KLHL1: variants seen among roughly 807,000 people sequenced by gnomAD.
KLHL1 encodes the protein kelch-like protein 1.
A neutral mutation model predicts 77.7 loss-of-function variants in KLHL1; 47 were observed. That is an observed-to-expected ratio of 0.60 (90% CI 0.48 to 0.77). The LOEUF is 0.77. Among genes scored for constraint, KLHL1 ranks in the 30% least tolerant of loss-of-function variants. The probability of loss-of-function intolerance (pLI) is 0.00; values close to 1 mark genes in which losing one functional copy is unlikely to be tolerated. For synonymous variants in KLHL1, 360 were observed against 325.2 expected (o/e 1.11, Z -1.15); for missense variants, 925 against 910.8 (o/e 1.02, Z -0.20).
intron 1 of KLHL1, among the ~76,000 whole-genome samples, chr13:70,048,255 A>G (rs1356725035): frequency 1.3e-5 from 2 of 152,218 alleles, no homozygotes; most frequent in Non-Finnish European, 2.9e-5. Flanking sequence ...GTGATTATCC[A>G]TCTGTCAAAA....
At chr13:70,042,211 G>A (rs1470499456) in intron 1 of KLHL1, among the ~76,000 whole-genome samples, 1 of 152,002 alleles carries the variant, frequency 6.6e-6, no homozygotes, top group South Asian at 2.1e-4. Flanking sequence ...TCTCAACTTG[G>A]AATTGCAATC....
At chr13:69,869,990 T>A (rs1254528574) in intron 5 of KLHL1, among the ~76,000 whole-genome samples, 2 of 152,168 alleles carry the variant, frequency 1.3e-5, no homozygotes, top group East Asian at 3.9e-4. Context: ...CAGGGTGTTT[T>A]GTTTATTTGT....
At chr13:69,786,156 A>G (rs1486959532) in intron 7 of KLHL1, among the ~76,000 whole-genome samples, 5 of 152,178 alleles carry the variant, frequency 3.3e-5, no homozygotes, top group Non-Finnish European at 7.3e-5. Flanking sequence ...AACTCATTGT[A>G]TGAGGCCAGC....
intron 4 of KLHL1, among the ~76,000 whole-genome samples, chr13:69,900,561 C>T (rs976998392): frequency 6.6e-5 from 10 of 152,092 alleles, no homozygotes; most frequent in Non-Finnish European, 1.0e-4. Context: ...CAAGAGACGC[C>T]GGGTTTTAGT....
At chr13:70,097,132 T>A (rs1887810870) in intron 1 of KLHL1, among the ~76,000 whole-genome samples, 1 of 151,994 alleles carries the variant, frequency 6.6e-6, no homozygotes, top group Non-Finnish European at 1.5e-5. Flanking sequence ...CTTTGAGAAC[T>A]TCCCCCCACT....
At chr13:69,846,728 C>A (rs973449168) in intron 5 of KLHL1, among the ~76,000 whole-genome samples, 11 of 150,452 alleles carry the variant, frequency 7.3e-5, no homozygotes, top group African/African-American at 2.7e-4. Context: ...TACATTGAAC[C>A]ACATGATCAA....
chr13:69,925,636 G>A (rs1268546306), intron 4 of KLHL1, among the ~76,000 whole-genome samples: 1 of 151,424 alleles, frequency 6.6e-6, no homozygotes, highest in East Asian at 1.9e-4. Context: ...ATTTGCAGAA[G>A]ACTGATAGTT....
chr13:69,908,425 A>T (rs1249363979), intron 4 of KLHL1, among the ~76,000 whole-genome samples: 1 of 151,518 alleles, frequency 6.6e-6, no homozygotes, highest in Non-Finnish European at 1.5e-5. Flanking sequence ...TGAAATAGTT[A>T]TTCTTTCTAT....
At chr13:69,785,194 G>A (rs1386199183) in intron 7 of KLHL1, among the ~76,000 whole-genome samples, 1 of 152,000 alleles carries the variant, frequency 6.6e-6, no homozygotes, top group East Asian at 1.9e-4. Flanking sequence ...GCCCGGCCCA[G>A]AATATACATT....
intron 1 of KLHL1, among the ~76,000 whole-genome samples, chr13:70,061,672 T>A (rs574429693): frequency 2.6e-5 from 4 of 152,236 alleles, no homozygotes; most frequent in South Asian, 4.1e-4. Context: ...AGAGTAAAAA[T>A]TAGCAGCAAA....
At chr13:69,724,834 G>A (rs985421676) in intron 8 of KLHL1, among the ~76,000 whole-genome samples, 1 of 152,056 alleles carries the variant, frequency 6.6e-6, no homozygotes, top group African/African-American at 2.4e-5. Context: ...GGAAGAAATG[G>A]CCTCAATAAG....
At chr13:69,846,104 T>C (rs938686937) in intron 5 of KLHL1, among the ~76,000 whole-genome samples, 6 of 151,144 alleles carry the variant, frequency 4.0e-5, no homozygotes, top group Non-Finnish European at 1.5e-5. Context: ...AACAAGTTTT[T>C]AAAATCCTGT....
chr13:69,714,040 T>G (rs1205822152), intron 9 of KLHL1, among the ~76,000 whole-genome samples: 1 of 152,164 alleles, frequency 6.6e-6, no homozygotes, highest in African/African-American at 2.4e-5. Flanking sequence ...TTTTTTGATA[T>G]ACTTATTGAT....
In KLHL1 at chr13:69,718,258, A is replaced by G. The variant is rs77871760; in HGVS notation, c.2015+1111T>C. Among the ~76,000 whole-genome samples the G allele has an allele frequency of 8.7e-3, 1,318 of 152,244 alleles. 14 individuals carry two copies. The highest frequency in any genetic ancestry group is 0.049 in the East Asian group (253 of 5,164). On this transcript the variant is annotated intron_variant, in intron 9 of 10. Coordinates refer to ENST00000377844, the MANE Select transcript of KLHL1 (RefSeq NM_020866.3). ...AAGTTGGGATACTGCTCTCCCAAAA[A>G]GCTTTCTGTGGCCATGTTACTGGTT...
intron 4 of KLHL1, among the ~76,000 whole-genome samples, chr13:69,889,391 C>A (rs1408379945): frequency 1.3e-5 from 2 of 151,972 alleles, no homozygotes; most frequent in African/African-American, 2.4e-5. Flanking sequence ...GAGGAGCTCG[C>A]ATATAGTCAT....
chr13:69,701,802 T>C (rs372904089), intron 10 of KLHL1, 41 bp from the exon 11 acceptor site: 197 of 1,363,442 alleles, frequency 1.4e-4, no homozygotes, highest in Non-Finnish European at 1.8e-4. Context: ...CAAGTTTTCA[T>C]AGAAAAATAT....
intron 1 of KLHL1, among the ~76,000 whole-genome samples, chr13:70,061,082 G>A (rs1480317830): frequency 1.3e-5 from 2 of 152,042 alleles, no homozygotes; most frequent in Non-Finnish European, 2.9e-5. Context: ...GCTGGGAGGG[G>A]TCACTGGGGG....
At chr13:69,987,977 G>A (rs947080512) in intron 1 of KLHL1, among the ~76,000 whole-genome samples, 4 of 151,476 alleles carry the variant, frequency 2.6e-5, no homozygotes, top group South Asian at 4.2e-4. Flanking sequence ...TTTATTTTAG[G>A]TTCAGTGGTA....
intron 1 of KLHL1, among the ~76,000 whole-genome samples, chr13:70,060,370 C>A (rs1289475065): frequency 6.6e-6 from 1 of 152,072 alleles, no homozygotes; most frequent in Non-Finnish European, 1.5e-5. Context: ...TCTGCAAAAA[C>A]CTAAAAGTAG....
Sources: allele counts gnomAD v4.1 joint callset (sites outside exome capture counted in the v4.1 genomes callset), GRCh38; gene constraint gnomAD v4.1.1; transcripts MANE v1.5; gene names NCBI Gene and HGNC (gene_info 2026-07-23, HGNC 2026-07-21).